SUMF1: variants seen among roughly 807,000 people sequenced by gnomAD.
The protein encoded by SUMF1 is formylglycine-generating enzyme.
Under a neutral mutation model 47.6 loss-of-function variants are expected in SUMF1, and 48 were observed. The observed-to-expected ratio is 1.01, with a 90% CI of 0.80 to 1.28. The LOEUF (loss-of-function observed/expected upper bound fraction) is 1.28, where lower values mean the gene tolerates loss of function less well. SUMF1 is among the 50% of genes most tolerant of loss of function. SUMF1 has a pLI of 0.00. For missense variants in SUMF1, 571 were observed against 485.4 expected (o/e 1.18, Z -1.66); for synonymous variants, 230 against 192.1 (o/e 1.20, Z -1.63).
intron 8 of SUMF1, among the ~76,000 whole-genome samples, chr3:4,252,217 T>A (rs534376967): frequency 6.6e-6 from 1 of 152,316 alleles, no homozygotes; most frequent in South Asian, 2.1e-4. Context: ...ACAGAATTAA[T>A]GGTTGCCCCA....
chr3:4,204,033 T>G (rs139589566), intron 8 of SUMF1, among the ~76,000 whole-genome samples: 2,344 of 152,168 alleles, frequency 0.015, 31 homozygotes, highest in Non-Finnish European at 0.027. Context: ...ATTACAGTGT[T>G]GTAATATTCT....
intron 8 of SUMF1, among the ~76,000 whole-genome samples, chr3:4,237,114 T>G (rs1348221830): frequency 1.3e-5 from 2 of 152,164 alleles, no homozygotes; most frequent in Non-Finnish European, 2.9e-5. Flanking sequence ...ATCATAGGGA[T>G]ATATCATAGT....
intron 8 of SUMF1, among the ~76,000 whole-genome samples, chr3:4,101,048 G>T (rs79502113): frequency 1.3e-5 from 2 of 151,906 alleles, no homozygotes; most frequent in Non-Finnish European, 2.9e-5. Flanking sequence ...TTTATACACC[G>T]TCGGTGATAT....
chr3:4,079,045 G>C (rs61192296), intron 8 of SUMF1, among the ~76,000 whole-genome samples: 9,204 of 152,054 alleles, frequency 0.061, 748 homozygotes, highest in East Asian at 0.2. Flanking sequence ...ATGTGACATT[G>C]TTTGTCATCT....
intron 8 of SUMF1, among the ~76,000 whole-genome samples, chr3:4,112,137 C>T (rs990545054): frequency 1.3e-5 from 2 of 152,202 alleles, no homozygotes; most frequent in Non-Finnish European, 2.9e-5. Context: ...TAGCCTTAAA[C>T]TCTGTTGTAA....
At chr3:4,296,788 T>C (rs186731034) in intron 8 of SUMF1, among the ~76,000 whole-genome samples, 2 of 152,176 alleles carry the variant, frequency 1.3e-5, no homozygotes, top group East Asian at 3.9e-4. Flanking sequence ...ATAATAATGG[T>C]AATAATAATG....
intron 8 of SUMF1, among the ~76,000 whole-genome samples, chr3:4,223,511 T>C (rs1299926092): frequency 6.6e-6 from 1 of 152,130 alleles, no homozygotes; most frequent in Admixed American, 6.6e-5. Flanking sequence ...TCCTTGAGGA[T>C]ACTGTTATCG....
chr3:4,163,633 G>A (rs1165792305), intron 8 of SUMF1, among the ~76,000 whole-genome samples: 1 of 151,038 alleles, frequency 6.6e-6, no homozygotes, highest in African/African-American at 2.4e-5. Context: ...TTGTATGAGA[G>A]GAAATTGAAG....
chr3:4,121,406 G>C (rs1179068873), intron 8 of SUMF1, among the ~76,000 whole-genome samples: 2 of 152,066 alleles, frequency 1.3e-5, no homozygotes, highest in African/African-American at 2.4e-5. Context: ...CTTGTAATGG[G>C]TATTATAGTC....
chr3:4,295,663 A>G (rs746156001), intron 8 of SUMF1, among the ~76,000 whole-genome samples: 1 of 152,184 alleles, frequency 6.6e-6, no homozygotes, highest in Non-Finnish European at 1.5e-5. Context: ...GTTTTCCGTG[A>G]GTGAAATTAA....
chr3:4,117,311 A>G (rs1315199611), intron 8 of SUMF1, among the ~76,000 whole-genome samples: 1 of 152,070 alleles, frequency 6.6e-6, no homozygotes, highest in Non-Finnish European at 1.5e-5. Context: ...CTCCCTTTCC[A>G]TCTTTCAAAT....
chr3:4,434,596 G>A (rs560171925), intron 3 of SUMF1, among the ~76,000 whole-genome samples: 4 of 152,168 alleles, frequency 2.6e-5, no homozygotes, highest in African/African-American at 9.7e-5. Context: ...ACTGTACCAG[G>A]TGGTACTGTA....
chr3:4,102,206 T>C (rs1693049833), intron 8 of SUMF1, among the ~76,000 whole-genome samples: 2 of 152,164 alleles, frequency 1.3e-5, no homozygotes, highest in African/African-American at 4.8e-5. Flanking sequence ...TGGAATATTC[T>C]TGCTAATGTC....
chr3:4,038,676 G>A (rs1237907289), intron 9 of SUMF1, among the ~76,000 whole-genome samples: 1 of 152,132 alleles, frequency 6.6e-6, no homozygotes, highest in Non-Finnish European at 1.5e-5. Flanking sequence ...CATGCTGTAA[G>A]CTCAGGTGTA....
chr3:4,417,351 G>A (rs1444865621), intron 5 of SUMF1, 109 bp from the exon 6 acceptor site: 2 of 790,104 alleles, frequency 2.5e-6, no homozygotes, highest in Non-Finnish European at 4.4e-6. Context: ...TGTTCTGAGT[G>A]AGCCAGTTAA....
chr3:4,088,157 G>A (rs1271258417), intron 8 of SUMF1, among the ~76,000 whole-genome samples: 1 of 152,008 alleles, frequency 6.6e-6, no homozygotes, highest in Non-Finnish European at 1.5e-5. Context: ...GTTCTCTTTG[G>A]ACACCTCTGA....
chr3:4,439,050 G>A (rs992321100), intron 3 of SUMF1, among the ~76,000 whole-genome samples: 17 of 152,092 alleles, frequency 1.1e-4, no homozygotes, highest in Admixed American at 1.1e-3. Context: ...TGTTAAAGAA[G>A]AAATGATAAT....
intron 8 of SUMF1, among the ~76,000 whole-genome samples, chr3:4,222,273 C>T (rs313685): frequency 0.21 from 32,181 of 151,834 alleles, 4,417 homozygotes; most frequent in African/African-American, 0.39. Flanking sequence ...CTCACCACCT[C>T]AAGGAAGCTG....
chr3:4,380,123 T>C (rs777980529), intron 7 of SUMF1, among the ~76,000 whole-genome samples: 1 of 152,126 alleles, frequency 6.6e-6, no homozygotes, highest in East Asian at 1.9e-4. Context: ...CCACCTCCTG[T>C]GCTCAAGAGT....
Sources: allele counts gnomAD v4.1 joint callset (sites outside exome capture counted in the v4.1 genomes callset), GRCh38; gene constraint gnomAD v4.1.1; transcripts MANE v1.5; gene names NCBI Gene and HGNC (gene_info 2026-07-23, HGNC 2026-07-21).